STOX2: variants seen among roughly 807,000 people sequenced by gnomAD.
STOX2 encodes storkhead-box protein 2.
STOX2 carries 28 observed loss-of-function variants against 60.9 expected under a neutral mutation model. That is an observed-to-expected ratio of 0.46 (90% CI 0.34 to 0.63). The LOEUF (loss-of-function observed/expected upper bound fraction) is 0.63, where lower values mean the gene tolerates loss of function less well. Ranked by LOEUF, STOX2 falls within the 30% of genes least tolerant of loss-of-function variation. The probability of loss-of-function intolerance (pLI) is 0.01; values close to 1 mark genes in which losing one functional copy is unlikely to be tolerated. For missense variants in STOX2, 1,024 were observed against 1,187.7 expected, an observed-to-expected ratio of 0.86 and a Z score of 2.03; for synonymous variants, 472 against 463.9, an observed-to-expected ratio of 1.02 and a Z score of -0.22.
chr4:184,015,471 G>A (rs929758939), intron 3 of STOX2: 3 of 152,020 alleles, frequency 2.0e-5, no homozygotes, highest in Non-Finnish European at 4.4e-5. Flanking sequence ...CTTTCTGGAG[G>A]TACCCTCGAC....
At chr4:183,887,422 C>A (rs1741109887) in intron 1 of STOX2, among the ~76,000 whole-genome samples, 1 of 152,146 alleles carries the variant, frequency 6.6e-6, no homozygotes, top group Non-Finnish European at 1.5e-5. Flanking sequence ...ATTAATGTTT[C>A]CTTAGAAAGG....
At chr4:183,804,458 G>C (rs1423394944) in intron 1 of STOX2, among the ~76,000 whole-genome samples, 1 of 152,244 alleles carries the variant, frequency 6.6e-6, no homozygotes, top group Non-Finnish European at 1.5e-5. Flanking sequence ...AGCCAGGAAA[G>C]GAGAAGAAGG....
chr4:183,877,868 T>C (rs1412864345), intron 1 of STOX2, among the ~76,000 whole-genome samples: 1 of 152,098 alleles, frequency 6.6e-6, no homozygotes, highest in East Asian at 1.9e-4. Context: ...CTTTTTACTT[T>C]TAGTAGAGAC....
rs1176551678 is a variant in STOX2, at chr4:183,880,647, G to GA, written c.364+82592_364+82593insA. Among the ~76,000 whole-genome samples, 4 of 152,308 alleles carry GA rather than the reference G, an allele frequency of 2.6e-5. No individual in the cohort carries two copies. In the East Asian group the frequency reaches 7.7e-4, roughly 29 times the overall value. On this transcript the variant is annotated intron_variant, in intron 1 of 2. Coordinates refer to the STOX2 transcript ENST00000513034. ...ATGTTTAGGTTAGAATTAACTTGGG[G>GA]CCTTCGTCTGATAAAATGAGAGATG...
chr4:183,906,715 G>A lies in STOX2; in HGVS notation c.-76G>A. On this transcript the variant is annotated 5_prime_UTR_variant, in exon 1 of 4. Coordinates refer to ENST00000308497, the MANE Select transcript of STOX2 (RefSeq NM_020225.3). ...AGAGTCCGCCCGGGTCGTGCCCGCC[G>A]TAGACGGATGAAGGAGCGCGCTGCG... The A allele has an allele frequency of 7.1e-7, 1 of 1,403,372 alleles. No individual in the cohort carries two copies. The highest frequency in any genetic ancestry group is 9.4e-7 in the Non-Finnish European group (1 of 1,061,288). The allele number at this position is 1,403,372 out of a possible 1,614,324, so 86.9% of individuals were successfully genotyped here. A position where few individuals can be genotyped will look rare whatever the true frequency, so the allele number is the denominator to read the frequency against.
intron 1 of STOX2, among the ~76,000 whole-genome samples, chr4:183,873,512 A>G (rs565912097): frequency 4.2e-4 from 64 of 151,918 alleles, no homozygotes; most frequent in Non-Finnish European, 7.2e-4. Context: ...GGTTTCCAGA[A>G]GGTGCTGAGC....
intron 1 of STOX2, among the ~76,000 whole-genome samples, chr4:183,898,362 T>C (rs866023240): frequency 1.3e-4 from 20 of 152,174 alleles, no homozygotes; most frequent in Non-Finnish European, 7.3e-5. Flanking sequence ...TTGCCATGAC[T>C]GGAAATGTAC....
rs6827044 is a variant in STOX2 at position 183,821,769 on chromosome 4, A to G, written c.364+23714A>G. ...TGCTGCTCCAGCAGCCTCCCCCTCC[A>G]CATCCCTGCGGAGCACCCATCCCTG... On this transcript the variant is annotated intron_variant, in intron 1 of 2. Transcript: ENST00000513034. This position sits in a 1 kb window ranked among gnomAD's most constrained non-coding sequence, Gnocchi z 4.2. Among the ~76,000 whole-genome samples the G allele has an allele frequency of 0.095, 14,533 of 152,206 alleles. 2,231 individuals carry two copies. The highest frequency in any genetic ancestry group is 0.33 in the African/African-American group (13,684 of 41,502).
At chr4:183,935,844 A>G (rs575131045) in intron 1 of STOX2, among the ~76,000 whole-genome samples, 26 of 152,306 alleles carry the variant, frequency 1.7e-4, no homozygotes, top group Admixed American at 1.6e-3. Context: ...TGGTGTTTGC[A>G]TTTCAAGAGG....
chr4:184,013,915 T>C (rs1734258597), intron 3 of STOX2: 1 of 152,218 alleles, frequency 6.6e-6, no homozygotes, highest in East Asian at 1.9e-4. Context: ...GCCTTCTGAG[T>C]AGCTGGGACT....
chr4:183,891,666 T>C (rs1173788265), intron 1 of STOX2, among the ~76,000 whole-genome samples: 2 of 151,808 alleles, frequency 1.3e-5, no homozygotes, highest in Admixed American at 6.6e-5. Context: ...TGTATACTGC[T>C]CAGGTGACAG....
chr4:183,799,217 G>A (rs533353478), intron 1 of STOX2, among the ~76,000 whole-genome samples: 1 of 152,170 alleles, frequency 6.6e-6, no homozygotes, highest in Non-Finnish European at 1.5e-5. Context: ...TTTGACTTGA[G>A]TAGACAAAAA....
intron 1 of STOX2, chr4:183,988,559 T>C (rs1732948664): frequency 6.6e-6 from 1 of 152,378 alleles, no homozygotes; most frequent in African/African-American, 2.4e-5. Context: ...CTGAGAGTTC[T>C]GGAACTCATT....
At chr4:183,882,551 A>C (rs543938901) in intron 1 of STOX2, among the ~76,000 whole-genome samples, 2 of 152,200 alleles carry the variant, frequency 1.3e-5, no homozygotes, top group Non-Finnish European at 2.9e-5. Context: ...CTTTTGGTCA[A>C]TGTCAGATTA....
rs1274498281 is a variant in STOX2 at position 184,010,444 on chromosome 4, G to A, written c.1606G>A (p.Ala536Thr). ...SYIDDSTLRP[A>T]QTVSLQRAHI... ...CATTGACGACAGTACTTTAAGGCCT[G>A]CACAGACCGTTAGTCTCCAAAGGGC... is the stretch of plus-strand genomic sequence containing the variant. Residue 536 changes from alanine to threonine, a missense_variant, in exon 3 of 4, where the codon GCA (alanine) becomes ACA (threonine). This residue lies in a region of STOX2 where 922 missense variants were observed against 1,058.3 expected (regional missense o/e 0.87). Transcript: ENST00000308497. This position sits in a 1 kb window ranked among gnomAD's most constrained non-coding sequence, Gnocchi z 4.5. The A allele has an allele frequency of 1.2e-6, 2 of 1,613,804 alleles. No individual in the cohort carries two copies.
intron 1 of STOX2, among the ~76,000 whole-genome samples, chr4:183,940,913 T>C (rs944790681): frequency 1.3e-5 from 2 of 152,218 alleles, no homozygotes; most frequent in Non-Finnish European, 2.9e-5. Context: ...ATGAATACCG[T>C]GTCAAATAAA....
Position 183,806,397 on chromosome 4 carries a change from G to C in STOX2, c.364+8342G>C, listed in dbSNP as rs1738890496. Among the ~76,000 whole-genome samples the C allele has an allele frequency of 6.6e-6, 1 of 152,148 alleles. No homozygotes were observed. Among genetic ancestry groups the C allele is most frequent in the East Asian group, 1.9e-4 (1 of 5,180 alleles). On this transcript the variant is annotated intron_variant, in intron 1 of 2. Transcript: ENST00000513034. The surrounding 1 kb of genome is among the most constrained non-coding windows in gnomAD (Gnocchi z 4.1). ...GAGTCCAAAATCACCTCCTTCTCAT[G>C]AATCCGGGAGTCCCTGGAGCTCACG...
chr4:184,016,652 T>C (rs927063926), intron 3 of STOX2, among the ~76,000 whole-genome samples: 1 of 152,034 alleles, frequency 6.6e-6, no homozygotes, highest in African/African-American at 2.4e-5. Context: ...AGAATGAAAA[T>C]GGAATCATTA....
At chr4:183,913,663 C>T (rs979690590) in intron 1 of STOX2, among the ~76,000 whole-genome samples, 6 of 152,082 alleles carry the variant, frequency 3.9e-5, no homozygotes, top group Non-Finnish European at 7.4e-5. Context: ...CCCAGCTACT[C>T]GGGAGGCTGA....
Sources: gnomAD v4.1 joint callset for allele counts (sites outside exome capture counted in the v4.1 genomes callset) on GRCh38, gnomAD v4.1.1 for gene constraint, gnomAD v4.1.1 regional missense constraint, Gnocchi (gnomAD v3.1) non-coding constraint, MANE v1.5 for transcripts, NCBI Gene and HGNC (gene_info 2026-07-23, HGNC 2026-07-21) for gene names.